Variants in MYLK observed in about 807,000 individuals in gnomAD.
The protein encoded by MYLK is myosin light chain kinase, smooth muscle.
Under a neutral mutation model 203.4 loss-of-function variants are expected in MYLK, and 106 were observed. The ratio of observed to expected loss-of-function variants is 0.52; its 90% confidence interval spans 0.45 to 0.61. The LOEUF (loss-of-function observed/expected upper bound fraction) is 0.61. Ranked by LOEUF, MYLK falls within the 20% of genes least tolerant of loss-of-function variation. MYLK has a pLI of 0.00. For synonymous variants in MYLK, 867 were observed against 959.5 expected (o/e 0.90, Z 1.78); for missense variants, 2,072 against 2,442.3 (o/e 0.85, Z 3.20).
At chr3:123,625,210 C>T (rs1443853966) in intron 31 of MYLK, 1 of 152,290 alleles carries the variant, frequency 6.6e-6, no homozygotes, top group African/African-American at 2.4e-5. Context: ...CTCATAATCA[C>T]ATCCAACTCT....
chr3:123,708,608 A>T, intron 15 of MYLK, 90 bp downstream of exon 15: 1 of 1,445,544 alleles, frequency 6.9e-7, no homozygotes. Context: ...GGAACAAAGT[A>T]GCCTCATGTG....
intron 22 of MYLK, among the ~76,000 whole-genome samples, chr3:123,664,668 T>G (rs1300784541): frequency 6.6e-6 from 1 of 152,238 alleles, no homozygotes; most frequent in East Asian, 1.9e-4. Context: ...ACTAGTCACA[T>G]GTGGCTATTT....
At chr3:123,840,929 T>G (rs1178388550) in intron 2 of MYLK, among the ~76,000 whole-genome samples, 79 of 152,224 alleles carry the variant, frequency 5.2e-4, no homozygotes, top group Non-Finnish European at 8.8e-5. Context: ...GGCAAAAGTT[T>G]CTTGGGGATC....
chr3:123,700,005 C>T lies in MYLK; in HGVS notation c.3448+15G>A, dbSNP rs199789942. 1,261 of 1,614,086 alleles carry T rather than the reference C, an allele frequency of 7.8e-4. 19 individuals carry two copies. The South Asian group carries it at 0.011, about 14-fold the overall frequency. On this transcript the variant is annotated intron_variant, in intron 18 of 33. Transcript: ENST00000360304. ...TACAGAGGCCCCTTCTTCCCCAACCCCCATGCTCATTTACCTTCCTGGGAG... is the reference window on the plus strand; with the variant it reads ...TACAGAGGCCCCTTCTTCCCCAACCTCCATGCTCATTTACCTTCCTGGGAG...
intron 4 of MYLK, among the ~76,000 whole-genome samples, chr3:123,761,399 C>T (rs577135920): frequency 7.1e-4 from 108 of 152,292 alleles, no homozygotes; most frequent in African/African-American, 2.4e-3. Flanking sequence ...CCACACAAAG[C>T]ATGCATTCTG....
rs146911918 is a variant in MYLK at position 123,724,412 on chromosome 3, C to T, written c.1651+1532G>A. On this transcript the variant is annotated intron_variant, in intron 12 of 33. Coordinates refer to ENST00000360304, the MANE Select transcript of MYLK (RefSeq NM_053025.4). ...GTTTGTTGATACTTAGTCTAGACTC[C>T]GTTATTAGTCCTTAACGCCCATATT... Among the ~76,000 whole-genome samples the T allele has an allele frequency of 7.1e-4, 108 of 152,168 alleles. 1 individual carries two copies. Among genetic ancestry groups the T allele is most frequent in the African/African-American group, 2.3e-3 (95 of 41,530 alleles).
chr3:123,751,858 C>T (rs945576485), intron 5 of MYLK, among the ~76,000 whole-genome samples: 10 of 152,070 alleles, frequency 6.6e-5, no homozygotes, highest in African/African-American at 1.9e-4. Context: ...GTGAAAGGAG[C>T]GTCAGGTGAG....
At chr3:123,688,939 T>C (rs2060563074) in intron 19 of MYLK, among the ~76,000 whole-genome samples, 1 of 152,226 alleles carries the variant, frequency 6.6e-6, no homozygotes, top group Non-Finnish European at 1.5e-5. Flanking sequence ...GCTGTTCACC[T>C]GCATTACTGC....
intron 22 of MYLK, among the ~76,000 whole-genome samples, chr3:123,666,007 A>G (rs2059721292): frequency 6.6e-6 from 1 of 152,220 alleles, no homozygotes; most frequent in South Asian, 2.1e-4. Context: ...CAAATTGTCT[A>G]CAAAGGCGGG....
intron 18 of MYLK, among the ~76,000 whole-genome samples, chr3:123,696,097 G>C (rs545729280): frequency 6.6e-6 from 1 of 152,272 alleles, no homozygotes; most frequent in African/African-American, 2.4e-5. Context: ...AACCTCTTCT[G>C]CTTTCCTCAG....
chr3:123,758,195 T>G (rs899132027), intron 4 of MYLK, among the ~76,000 whole-genome samples: 2 of 152,182 alleles, frequency 1.3e-5, no homozygotes, highest in African/African-American at 4.8e-5. Flanking sequence ...CTTCAGAGCC[T>G]GCGTCTGTGT....
intron 24 of MYLK, among the ~76,000 whole-genome samples, chr3:123,649,885 C>T (rs2059150778): frequency 6.6e-6 from 1 of 152,104 alleles, no homozygotes. Flanking sequence ...AAGAAATAGC[C>T]TTTGAGTTGC....
intron 2 of MYLK, among the ~76,000 whole-genome samples, chr3:123,846,836 T>C (rs1037479169): frequency 6.6e-6 from 1 of 152,146 alleles, no homozygotes; most frequent in African/African-American, 2.4e-5. Context: ...TATTCTTGTG[T>C]ACTTTTTGGT....
intron 3 of MYLK, among the ~76,000 whole-genome samples, chr3:123,812,669 T>C (rs868228639): frequency 2.0e-5 from 3 of 152,222 alleles, no homozygotes; most frequent in South Asian, 2.1e-4. Flanking sequence ...ATGAAAGACC[T>C]AGATGTCTCT....
intron 20 of MYLK, among the ~76,000 whole-genome samples, chr3:123,679,391 C>T (rs1423675232): frequency 6.6e-6 from 1 of 151,874 alleles, no homozygotes; most frequent in Admixed American, 6.6e-5. Context: ...TCAGGAGGCT[C>T]CAGAAACAAA....
chr3:123,761,995 C>T (rs1172617512), intron 4 of MYLK, among the ~76,000 whole-genome samples: 1 of 152,052 alleles, frequency 6.6e-6, no homozygotes, highest in African/African-American at 2.4e-5. Context: ...CCATTGCACA[C>T]CAGCGTGGGC....
At chr3:123,748,546 G>C (rs2063090937) in intron 5 of MYLK, among the ~76,000 whole-genome samples, 1 of 152,224 alleles carries the variant, frequency 6.6e-6, no homozygotes, top group South Asian at 2.1e-4. Context: ...TAGCTGGTCT[G>C]AAGTGAGGTG....
At chr3:123,825,138 C>T (rs1412661445) in intron 3 of MYLK, among the ~76,000 whole-genome samples, 1 of 142,280 alleles carries the variant, frequency 7.0e-6, no homozygotes, top group Non-Finnish European at 1.5e-5. Flanking sequence ...GAGCAACACC[C>T]TGTCTCAAAA....
intron 2 of MYLK, among the ~76,000 whole-genome samples, chr3:123,875,588 C>T (rs964380393): frequency 5.3e-5 from 8 of 152,106 alleles, no homozygotes; most frequent in Non-Finnish European, 1.5e-5. Context: ...ACTGAACTTC[C>T]TCATAATTAT....
Sources: allele counts gnomAD v4.1 joint callset (sites outside exome capture counted in the v4.1 genomes callset), GRCh38; gene constraint gnomAD v4.1.1; transcripts MANE v1.5; gene names NCBI Gene and HGNC (gene_info 2026-07-23, HGNC 2026-07-21).